Variants in STXBP5 observed in about 807,000 individuals in gnomAD.
STXBP5 encodes syntaxin-binding protein 5.
Under a neutral mutation model 152.4 loss-of-function variants are expected in STXBP5, and 50 were observed. The ratio of observed to expected loss-of-function variants is 0.33; its 90% CI spans 0.26 to 0.42. The LOEUF is 0.42. Among genes scored for constraint, STXBP5 ranks in the 10% least tolerant of loss-of-function variants. The pLI is 1.00. For missense variants in STXBP5, 1,167 were observed against 1,388.6 expected, an observed-to-expected ratio of 0.84 and a Z score of 2.54; for synonymous variants, 492 against 494.7, an observed-to-expected ratio of 0.99 and a Z score of 0.07.
chr6:147,232,327 A>T (rs1778045714), intron 2 of STXBP5, among the ~76,000 whole-genome samples: 1 of 151,872 alleles, frequency 6.6e-6, no homozygotes. Flanking sequence ...GGGTGTAGCA[A>T]GTTTGCAGTG....
chr6:147,337,222 C>T (rs1783877883), intron 19 of STXBP5, among the ~76,000 whole-genome samples: 1 of 151,504 alleles, frequency 6.6e-6, no homozygotes, highest in South Asian at 2.1e-4. Context: ...CACAAGAAGT[C>T]ATGTTAAAAT....
intron 2 of STXBP5, among the ~76,000 whole-genome samples, chr6:147,223,682 T>A (rs2115102264): frequency 6.6e-6 from 1 of 152,326 alleles, no homozygotes; most frequent in East Asian, 1.9e-4. Flanking sequence ...TGCTTGGATT[T>A]CTTCTTTAGA....
intron 24 of STXBP5, 92 bp downstream of exon 24, chr6:147,363,796 T>C: frequency 1.3e-6 from 2 of 1,490,264 alleles, no homozygotes; most frequent in Non-Finnish European, 1.8e-6. Context: ...TTTTTGTGTG[T>C]GTATAGTCTT....
intron 23 of STXBP5, among the ~76,000 whole-genome samples, chr6:147,359,983 A>C (rs1259179527): frequency 6.6e-6 from 1 of 152,216 alleles, no homozygotes; most frequent in East Asian, 1.9e-4. Flanking sequence ...AAAAGTGGGC[A>C]AAGGACATCA....
intron 18 of STXBP5, among the ~76,000 whole-genome samples, 181 bp from the exon 19 acceptor site, chr6:147,333,976 G>A (rs1783707033): frequency 1.3e-5 from 2 of 152,124 alleles, no homozygotes; most frequent in Non-Finnish European, 2.9e-5. Flanking sequence ...GTATTAGTTT[G>A]AGGTATTTTA....
chr6:147,230,370 T>A (rs1165396778), intron 2 of STXBP5, among the ~76,000 whole-genome samples: 1 of 151,886 alleles, frequency 6.6e-6, no homozygotes, highest in Non-Finnish European at 1.5e-5. Context: ...CCATATTGCT[T>A]CATTATTAAA....
At chr6:147,354,388 C>T (rs1259006242) in intron 22 of STXBP5, among the ~76,000 whole-genome samples, 1 of 151,448 alleles carries the variant, frequency 6.6e-6, no homozygotes, top group Non-Finnish European at 1.5e-5. Context: ...CTATAATATC[C>T]CTAGTATAAG....
At chr6:147,229,032 G>A (rs1777868878) in intron 2 of STXBP5, among the ~76,000 whole-genome samples, 1 of 151,822 alleles carries the variant, frequency 6.6e-6, no homozygotes, top group South Asian at 2.1e-4. Flanking sequence ...TTTTTAAATC[G>A]TGGATGAAAT....
chr6:147,374,124 G>A (rs1785696925), intron 26 of STXBP5, among the ~76,000 whole-genome samples: 1 of 152,124 alleles, frequency 6.6e-6, no homozygotes, highest in Non-Finnish European at 1.5e-5. Context: ...TTTATGTTAT[G>A]TTAATGCTAT....
At position 147,302,965 on chromosome 6, in the gene STXBP5, T is replaced by C. The variant is rs527535189; in HGVS notation, c.918-7119T>C. On this transcript the variant is annotated intron_variant, in intron 9 of 27. Coordinates refer to ENST00000321680, the MANE Select transcript of STXBP5 (RefSeq NM_001127715.4). ...TAGATAATTCAGTAGTGAAAATCTT[T>C]TGTTGAGCTATTTCATTATAATGAA... Among the ~76,000 whole-genome samples the C allele has an allele frequency of 1.9e-4, 29 of 152,310 alleles. No homozygotes were observed. The South Asian group carries it at 3.3e-3, about 17-fold the overall frequency.
rs565372774 is a variant in STXBP5 at position 147,377,805 on chromosome 6, A to G, written c.3193+3963A>G. 1.2e-4 allele frequency among the ~76,000 whole-genome samples: 18 copies of G among 152,276 alleles called. No homozygotes were observed. The South Asian group carries it at 1.9e-3, about 16-fold the overall frequency. ...CTTGAGGGGAGAGGGTGGGGGACAT[A>G]ACTGTTGAGTGTATAACAAAAGCCA... On this transcript the variant is annotated intron_variant, in intron 26 of 27. Transcript: ENST00000321680.
At chr6:147,292,347 C>G (rs1781322186) in intron 9 of STXBP5, 1 of 411,766 alleles carries the variant, frequency 2.4e-6, no homozygotes, top group South Asian at 1.8e-5. Context: ...TTGACTCTTG[C>G]ATCCTTCATT....
intron 4 of STXBP5, among the ~76,000 whole-genome samples, chr6:147,245,937 T>TA: frequency 6.6e-6 from 1 of 152,312 alleles, no homozygotes; most frequent in East Asian, 1.9e-4. Context: ...ATCTCAGACT[T>TA]CTGGCCTCCA....
chr6:147,230,672 T>C (rs751850561), intron 2 of STXBP5, among the ~76,000 whole-genome samples: 10 of 151,850 alleles, frequency 6.6e-5, no homozygotes, highest in Non-Finnish European at 4.4e-5. Flanking sequence ...TGTGTGTGTG[T>C]GTGTATGTGT....
At chr6:147,270,528 A>G (rs1365042345) in intron 7 of STXBP5, among the ~76,000 whole-genome samples, 1 of 150,464 alleles carries the variant, frequency 6.6e-6, no homozygotes, top group Non-Finnish European at 1.5e-5. Flanking sequence ...ACCTGGTGAA[A>G]TTTTTTTTTT....
At chr6:147,317,216 A>G (rs1582934961) in intron 16 of STXBP5, among the ~76,000 whole-genome samples, 4 of 152,188 alleles carry the variant, frequency 2.6e-5, no homozygotes, top group Admixed American at 2.6e-4. Context: ...CAGGCTTTGC[A>G]CTATTTTACT....
chr6:147,390,362 A>G lies in STXBP5; in HGVS notation c.*5607A>G, dbSNP rs1033284207. 2 of 151,984 alleles carry G rather than the reference A, an allele frequency of 1.3e-5. No individual in the cohort carries two copies. The highest frequency in any genetic ancestry group is 2.9e-5 in the Non-Finnish European group (2 of 67,952). The allele number at this position is 151,984 out of a possible 1,614,324, so 9.4% of individuals were successfully genotyped here. A position where few individuals can be genotyped will look rare whatever the true frequency, so the allele number is the denominator to read the frequency against. ...GCTGGTATTTTAAAAAATGTATTAT[A>G]AATTAATTAATGTTTCTGGAAAATG... On this transcript the variant is annotated 3_prime_UTR_variant, in exon 28 of 28. Coordinates refer to ENST00000321680, the MANE Select transcript of STXBP5 (RefSeq NM_001127715.4).
chr6:147,300,051 A>G (rs1052582775), intron 9 of STXBP5, among the ~76,000 whole-genome samples: 1 of 152,098 alleles, frequency 6.6e-6, no homozygotes, highest in East Asian at 1.9e-4. Flanking sequence ...CAAGAAGACA[A>G]TCTCATTTAC....
chr6:147,310,516 C>T (rs997489614), intron 10 of STXBP5, among the ~76,000 whole-genome samples: 5 of 140,212 alleles, frequency 3.6e-5, no homozygotes, highest in Non-Finnish European at 7.7e-5. Context: ...CGCACACACT[C>T]ATAGGAGAGA....
Sources: gnomAD v4.1 joint callset for allele counts (sites outside exome capture counted in the v4.1 genomes callset) on GRCh38, gnomAD v4.1.1 for gene constraint, MANE v1.5 for transcripts, NCBI Gene and HGNC (gene_info 2026-07-23, HGNC 2026-07-21) for gene names.